CPS1: variants seen among roughly 807,000 people sequenced by gnomAD.
CPS1 encodes carbamoyl-phosphate synthase [ammonia], mitochondrial.
In CPS1, 109 loss-of-function variants were observed where a neutral mutation model predicts 174.6. The ratio of observed to expected loss-of-function variants is 0.62; its 90% confidence interval spans 0.53 to 0.73. The LOEUF is 0.73. Ranked by LOEUF, CPS1 falls within the 30% of genes least tolerant of loss-of-function variation. The probability of loss-of-function intolerance (pLI) is 0.00; values close to 1 mark genes in which losing one functional copy is unlikely to be tolerated. For missense variants in CPS1, 1,689 were observed against 1,821.9 expected (o/e 0.93, Z 1.33); for synonymous variants, 637 against 632.0 (o/e 1.01, Z -0.12).
In CPS1 at chr2:210,477,748, G is replaced by A. The variant is rs111491997; in HGVS notation, c.-16G>A. The A allele has an allele frequency of 0.014, 22,171 of 1,613,276 alleles. 272 individuals are homozygous for A. The highest frequency in any genetic ancestry group is 0.033 in the Middle Eastern group (199 of 6,060). On this transcript the variant is annotated 5_prime_UTR_variant, in exon 1 of 39. Transcript: ENST00000430249. ...TTCTTAACCTCATCAAATTCATGAA[G>A]ATTTAGCCGAGGCCCATGGTGAGTC...
intron 21 of CPS1, among the ~76,000 whole-genome samples, chr2:210,631,482 CT>C (rs1699867247): frequency 6.6e-6 from 1 of 152,134 alleles, no homozygotes; most frequent in African/African-American, 2.4e-5. Flanking sequence ...ACACCAGAGA[CT>C]TTTTGCTATA....
intron 33 of CPS1, among the ~76,000 whole-genome samples, chr2:210,664,270 A>G (rs1167467281): frequency 3.9e-5 from 6 of 152,018 alleles, no homozygotes; most frequent in Non-Finnish European, 8.8e-5. Context: ...AGTAATGCTG[A>G]TTTTAGATGG....
intron 25 of CPS1, among the ~76,000 whole-genome samples, chr2:210,646,718 G>A (rs953969171): frequency 6.6e-6 from 1 of 152,044 alleles, no homozygotes; most frequent in Admixed American, 6.6e-5. Flanking sequence ...TGTTTAGGCA[G>A]GTATTATCCT....
At chr2:210,595,903 T>C (rs1455858024) in intron 13 of CPS1, among the ~76,000 whole-genome samples, 1 of 151,946 alleles carries the variant, frequency 6.6e-6, no homozygotes, top group Non-Finnish European at 1.5e-5. Flanking sequence ...CAAATATACT[T>C]ATCTTTTATG....
At chr2:210,536,955 A>T (rs1476506062) in intron 1 of CPS1, among the ~76,000 whole-genome samples, 1 of 152,250 alleles carries the variant, frequency 6.6e-6, no homozygotes, top group Non-Finnish European at 1.5e-5. Flanking sequence ...CATGGTAGAA[A>T]CATAATCAGT....
chr2:210,592,194 C>A (rs1198539556), intron 10 of CPS1, among the ~76,000 whole-genome samples: 4 of 151,936 alleles, frequency 2.6e-5, no homozygotes, highest in African/African-American at 9.7e-5. Flanking sequence ...TTGAAATATG[C>A]AATAAATTAT....
chr2:210,655,044 C>T (rs996927330), intron 29 of CPS1, among the ~76,000 whole-genome samples: 1 of 152,058 alleles, frequency 6.6e-6, no homozygotes, highest in East Asian at 1.9e-4. Context: ...ATACAAAGCT[C>T]AACACATTGT....
rs116029640 is a variant in CPS1, at chr2:210,487,655, G to A, written c.3+9889G>A. The stretch of plus-strand genomic sequence containing the variant: ...GATGACTTGATGTCCTTATGTTTAA[G>A]ATTATTTTAGGAGTTGTTTAGAACA... On this transcript the variant is annotated intron_variant, in intron 1 of 38. Coordinates refer to the CPS1 transcript ENST00000430249. 6.0e-3 allele frequency among the ~76,000 whole-genome samples: 915 copies of A among 152,122 alleles called. 8 individuals are homozygous for A. The highest frequency in any genetic ancestry group is 0.021 in the African/African-American group (852 of 41,532).
At chr2:210,497,390 T>A (rs891672073) in intron 1 of CPS1, among the ~76,000 whole-genome samples, 5 of 152,168 alleles carry the variant, frequency 3.3e-5, no homozygotes, top group Non-Finnish European at 7.3e-5. Context: ...TATTTAATTT[T>A]TTTATAATTT....
upstream of CPS1, chr2:210,556,253 T>C: frequency 2.3e-6 from 1 of 436,460 alleles, no homozygotes; most frequent in Non-Finnish European, 4.6e-6. Context: ...ATGGCAAGCG[T>C]TCAGCTTTCT....
At chr2:210,600,476 G>T in intron 14 of CPS1, 79 bp from the exon 15 acceptor site, 5 of 1,361,562 alleles carry the variant, frequency 3.7e-6, no homozygotes, top group Non-Finnish European at 5.2e-6. Context: ...GATTAAAAAA[G>T]TAGTTGTATT....
rs568114968 is a variant in CPS1 at position 210,509,996 on chromosome 2, T to A, written c.3+32230T>A. Among the ~76,000 whole-genome samples the A allele has an allele frequency of 5.3e-5, 8 of 152,252 alleles. No individual in the cohort carries two copies. The East Asian group carries it at 1.5e-3, about 29-fold the overall frequency. ...AATGCCATCCCCATCAAGCTACCAA[T>A]GACTTTCTTCACAGAATTGGAGAAA... On this transcript the variant is annotated intron_variant, in intron 1 of 38. Coordinates refer to the CPS1 transcript ENST00000430249.
chr2:210,497,434 G>T (rs905675256), intron 1 of CPS1, among the ~76,000 whole-genome samples: 21 of 151,888 alleles, frequency 1.4e-4, no homozygotes, highest in African/African-American at 4.8e-4. Flanking sequence ...GTAATGAGCA[G>T]GTTTGTTACA....
At chr2:210,601,757 A>G (rs912367384) in intron 15 of CPS1, among the ~76,000 whole-genome samples, 4 of 151,918 alleles carry the variant, frequency 2.6e-5, no homozygotes, top group Non-Finnish European at 4.4e-5. Flanking sequence ...TGAAAAATCC[A>G]TTTATATACA....
At chr2:210,592,554 T>G (rs1472530920) in intron 10 of CPS1, among the ~76,000 whole-genome samples, 2 of 151,970 alleles carry the variant, frequency 1.3e-5, no homozygotes. Flanking sequence ...GGGGATAAGA[T>G]GAGGACTTGA....
At chr2:210,513,061 G>GAT (rs199799670) in intron 1 of CPS1, among the ~76,000 whole-genome samples, 14,275 of 22,042 alleles carry the variant, frequency 0.65, 6,051 homozygotes, top group Middle Eastern at 0.88. Flanking sequence ...TATATATGGA[G>GAT]ATATATATGT....
At chr2:210,580,118 T>A (rs1697869055) in intron 5 of CPS1, among the ~76,000 whole-genome samples, 1 of 152,146 alleles carries the variant, frequency 6.6e-6, no homozygotes, top group South Asian at 2.1e-4. Flanking sequence ...ACAAATTGCA[T>A]AACAATTTTG....
At chr2:210,673,215 A>G (rs1197116483) in intron 34 of CPS1, 1 of 152,228 alleles carries the variant, frequency 6.6e-6, no homozygotes, top group Non-Finnish European at 1.5e-5. Flanking sequence ...AAGAATGGAT[A>G]TGTTTTTAAC....
chr2:210,571,452 G>A (rs1410439477), intron 1 of CPS1, among the ~76,000 whole-genome samples: 2 of 151,594 alleles, frequency 1.3e-5, no homozygotes, highest in Admixed American at 1.3e-4. Flanking sequence ...TTCACATATC[G>A]TACCTCTGAT....
Sources: allele counts gnomAD v4.1 joint callset (sites outside exome capture counted in the v4.1 genomes callset), GRCh38; gene constraint gnomAD v4.1.1; transcripts MANE v1.5; gene names NCBI Gene and HGNC (gene_info 2026-07-23, HGNC 2026-07-21).